Variants in ADGRL2 observed in about 807,000 individuals in gnomAD.
The protein encoded by ADGRL2 is adhesion G protein-coupled receptor L2, also known as calcium-independent alpha-latrotoxin receptor 2.
ADGRL2 carries 44 observed loss-of-function variants against 157.4 expected under a neutral mutation model. That is an observed-to-expected ratio of 0.28 (90% CI 0.22 to 0.36). The LOEUF is 0.36. ADGRL2 is among the 10% of genes least tolerant of loss of function. The pLI is 1.00. For missense variants in ADGRL2, 1,510 were observed against 1,768.9 expected, an observed-to-expected ratio of 0.85 and a Z score of 2.63; for synonymous variants, 585 against 624.7, an observed-to-expected ratio of 0.94 and a Z score of 0.95.
intron 13 of ADGRL2, 28 bp from the exon 14 acceptor site, chr1:81,967,998 A>G (rs371779357): frequency 6.3e-7 from 1 of 1,575,576 alleles, no homozygotes; most frequent in African/African-American, 1.4e-5. Flanking sequence ...ATAAAATCCT[A>G]ATTTTATCTT....
chr1:81,556,053 CA>C (rs1201232382), intron 2 of ADGRL2, among the ~76,000 whole-genome samples: 1 of 151,762 alleles, frequency 6.6e-6, no homozygotes, highest in Non-Finnish European at 1.5e-5. Context: ...AAGAAGTCAG[CA>C]TCAACCTAAG....
chr1:81,851,954 G>GC (rs2093027903), intron 2 of ADGRL2, among the ~76,000 whole-genome samples: 1 of 151,826 alleles, frequency 6.6e-6, no homozygotes. Flanking sequence ...GAAGAGGAAA[G>GC]CATCTGACTT....
At chr1:81,372,474 A>T (rs1423399992) in intron 1 of ADGRL2, among the ~76,000 whole-genome samples, 1 of 152,190 alleles carries the variant, frequency 6.6e-6, no homozygotes, top group Non-Finnish European at 1.5e-5. Flanking sequence ...ATTTGCTAGC[A>T]CCTGTACAAC....
intron 1 of ADGRL2, among the ~76,000 whole-genome samples, chr1:81,367,759 T>G (rs2076092236): frequency 1.3e-5 from 2 of 152,022 alleles, no homozygotes. Context: ...ACCATGTTGG[T>G]CAGGCTAGAC....
intron 1 of ADGRL2, chr1:81,721,824 C>A: frequency 1.0e-6 from 1 of 958,442 alleles, no homozygotes; most frequent in Non-Finnish European, 1.7e-6. Context: ...CCACCTGCTA[C>A]TCAGAAAGCT....
At chr1:81,657,348 T>A (rs1322990861) in intron 3 of ADGRL2, among the ~76,000 whole-genome samples, 1 of 152,210 alleles carries the variant, frequency 6.6e-6, no homozygotes, top group African/African-American at 2.4e-5. Context: ...AAGCAGAAAG[T>A]GAGCCCTCAC....
intron 2 of ADGRL2, among the ~76,000 whole-genome samples, chr1:81,553,459 T>C (rs2080199786): frequency 6.6e-6 from 1 of 152,144 alleles, no homozygotes; most frequent in South Asian, 2.1e-4. Context: ...TGTAAAGTGG[T>C]AAATAGAAGG....
chr1:81,782,732 A>G (rs567948517), intron 2 of ADGRL2, among the ~76,000 whole-genome samples: 1 of 152,328 alleles, frequency 6.6e-6, no homozygotes, highest in East Asian at 1.9e-4. Flanking sequence ...CAGAATGAGC[A>G]TTGGAAGTCG....
At chr1:81,575,465 G>A (rs562012913) in intron 2 of ADGRL2, among the ~76,000 whole-genome samples, 2 of 152,194 alleles carry the variant, frequency 1.3e-5, no homozygotes, top group African/African-American at 4.8e-5. Context: ...CACTGTTAGC[G>A]GCAGTATCTA....
intron 1 of ADGRL2, among the ~76,000 whole-genome samples, chr1:81,806,851 G>A (rs2089228064): frequency 6.6e-6 from 1 of 151,986 alleles, no homozygotes; most frequent in Non-Finnish European, 1.5e-5. Context: ...GAGGAATTTA[G>A]TTTCACATAA....
intron 2 of ADGRL2, among the ~76,000 whole-genome samples, chr1:81,471,208 A>T (rs1478777262): frequency 6.6e-6 from 1 of 152,184 alleles, no homozygotes; most frequent in Admixed American, 6.5e-5. Flanking sequence ...TATATTTTAT[A>T]CATTTCTTGG....
chr1:81,513,233 T>G (rs2079112021), intron 2 of ADGRL2, among the ~76,000 whole-genome samples: 1 of 152,170 alleles, frequency 6.6e-6, no homozygotes, highest in Non-Finnish European at 1.5e-5. Flanking sequence ...GCTAGAGGAT[T>G]GGTTGTGATT....
chr1:81,447,216 A>G (rs2077614512), intron 2 of ADGRL2, among the ~76,000 whole-genome samples: 1 of 152,108 alleles, frequency 6.6e-6, no homozygotes, highest in South Asian at 2.1e-4. Context: ...TACTTACGTG[A>G]ATTTTTTTCT....
rs1196051307 is a variant in ADGRL2 at position 81,518,268 on chromosome 1, G to T, written c.-247-62608G>T. On this transcript the variant is annotated intron_variant, in intron 2 of 24. Coordinates refer to the ADGRL2 transcript ENST00000370721. ...ACACCACCTTTCACAGTGTGTCCTGGGAGTAGATCTGATTGCTCCTTTCTC... is the reference window on the plus strand; with the variant it reads ...ACACCACCTTTCACAGTGTGTCCTGTGAGTAGATCTGATTGCTCCTTTCTC... Among the ~76,000 whole-genome samples, 3 of 152,322 alleles carry T rather than the reference G, an allele frequency of 2.0e-5. No individual in the cohort carries two copies. In the East Asian group the frequency reaches 5.8e-4, roughly 29 times the overall value.
At chr1:81,471,196 G>A (rs896562699) in intron 2 of ADGRL2, among the ~76,000 whole-genome samples, 1 of 151,850 alleles carries the variant, frequency 6.6e-6, no homozygotes, top group Admixed American at 6.6e-5. Context: ...CAAATATCTG[G>A]GTATATTTTA....
At chr1:81,759,066 A>C (rs141545601) in intron 1 of ADGRL2, among the ~76,000 whole-genome samples, 50 of 152,286 alleles carry the variant, frequency 3.3e-4, no homozygotes, top group Middle Eastern at 3.4e-3. Flanking sequence ...CCTCAATTAT[A>C]GTTAAAAATA....
chr1:81,377,621 C>T (rs373983269), intron 1 of ADGRL2, among the ~76,000 whole-genome samples: 3 of 152,054 alleles, frequency 2.0e-5, no homozygotes, highest in Non-Finnish European at 2.9e-5. Flanking sequence ...ATGATACGCA[C>T]GTCACCAGCC....
chr1:81,394,651 T>C (rs2076622420), intron 1 of ADGRL2, among the ~76,000 whole-genome samples: 1 of 152,196 alleles, frequency 6.6e-6, no homozygotes, highest in South Asian at 2.1e-4. Flanking sequence ...TTGACTATTG[T>C]GAATAGTGCT....
At chr1:81,705,201 G>A (rs546137962) in intron 1 of ADGRL2, among the ~76,000 whole-genome samples, 1 of 152,182 alleles carries the variant, frequency 6.6e-6, no homozygotes, top group Admixed American at 6.5e-5. Context: ...ACAGGCATCC[G>A]CCACCATGCC....
Sources: gnomAD v4.1 joint callset for allele counts (sites outside exome capture counted in the v4.1 genomes callset) on GRCh38, gnomAD v4.1.1 for gene constraint, MANE v1.5 for transcripts, NCBI Gene and HGNC (gene_info 2026-07-23, HGNC 2026-07-21) for gene names.